FYB1: variants seen among roughly 807,000 people sequenced by gnomAD.
FYB1 encodes FYN-binding protein 1.
A neutral mutation model predicts 94.1 loss-of-function variants in FYB1; 41 were observed. The ratio of observed to expected loss-of-function variants is 0.44; its 90% CI spans 0.34 to 0.57. The LOEUF (loss-of-function observed/expected upper bound fraction) is 0.57, where lower values mean the gene tolerates loss of function less well. FYB1 is among the 20% of genes least tolerant of loss of function. FYB1 has a pLI of 0.02. For missense variants in FYB1, 1,050 were observed against 976.8 expected, an observed-to-expected ratio of 1.07 and a Z score of -1.00; for synonymous variants, 367 against 353.2, an observed-to-expected ratio of 1.04 and a Z score of -0.44.
intron 2 of FYB1, among the ~76,000 whole-genome samples, chr5:39,173,353 A>T (rs551536410): frequency 6.6e-6 from 1 of 152,258 alleles, no homozygotes; most frequent in African/African-American, 2.4e-5. Flanking sequence ...CCTTTGTCAG[A>T]TGCATAGTTT....
At chr5:39,137,762 G>A (rs1253095668) in intron 6 of FYB1, 42 bp from the exon 7 acceptor site, 1 of 1,548,744 alleles carries the variant, frequency 6.5e-7, no homozygotes, top group Admixed American at 2.0e-5. Context: ...ATCTGCAGGT[G>A]TTGATGCGTC....
At chr5:39,199,209 T>C (rs7728729) in intron 2 of FYB1, among the ~76,000 whole-genome samples, 2,107 of 152,154 alleles carry the variant, frequency 0.014, 48 homozygotes, top group African/African-American at 0.048. Context: ...ACAACAGAAA[T>C]TTAATTCTTT....
intron 9 of FYB1, among the ~76,000 whole-genome samples, chr5:39,133,684 G>A (rs1741405088): frequency 6.6e-6 from 1 of 152,068 alleles, no homozygotes; most frequent in Non-Finnish European, 1.5e-5. Flanking sequence ...TTTTAATCTA[G>A]TGGAATGGGC....
chr5:39,206,052 G>A (rs1748826963), intron 1 of FYB1, among the ~76,000 whole-genome samples: 1 of 152,140 alleles, frequency 6.6e-6, no homozygotes, highest in Non-Finnish European at 1.5e-5. Flanking sequence ...AATCATTAAT[G>A]TTATGTCCGA....
At chr5:39,206,237 G>A (rs1414210266) in intron 1 of FYB1, among the ~76,000 whole-genome samples, 3 of 152,178 alleles carry the variant, frequency 2.0e-5, no homozygotes, top group Non-Finnish European at 2.9e-5. Context: ...CCACTAATAT[G>A]TCTGGCAAAT....
At chr5:39,230,548 A>G (rs1393647174) in intron 1 of FYB1, among the ~76,000 whole-genome samples, 1 of 151,736 alleles carries the variant, frequency 6.6e-6, no homozygotes, top group Non-Finnish European at 1.5e-5. Flanking sequence ...TATATGTATA[A>G]TATGTGTATA....
In FYB1 at chr5:39,108,248, T is replaced by A. The variant is rs774841517; in HGVS notation, c.2450A>T (p.Tyr817Phe). The A allele has an allele frequency of 6.5e-7, 1 of 1,528,498 alleles. No homozygotes were observed. Among genetic ancestry groups the A allele is most frequent in the South Asian group, 1.2e-5 (1 of 82,974 alleles). 94.7% of individuals were successfully genotyped at this position (1,528,498 alleles called of 1,614,324 possible). The change falls in exon 18 of 19, where the codon TAT becomes TTT. Residue 817 changes from tyrosine (Y) to phenylalanine (F), a missense_variant. Tyr to Phe is a conservative substitution (Grantham distance 22). Transcript: ENST00000512982. ...SYLADNDGEIYDDIADGCIYD... is the reference protein window; with the variant it reads ...SYLADNDGEIFDDIADGCIYD... Reference sequence around the variant, plus strand: ...AGACTTACCATCAGCAATATCATCATAGATCTCTCCATCACTGTAAATGTA... The same window carrying A: ...AGACTTACCATCAGCAATATCATCAAAGATCTCTCCATCACTGTAAATGTA...
intron 1 of FYB1, chr5:39,270,769 G>A: frequency 2.2e-6 from 1 of 455,436 alleles, no homozygotes; most frequent in Non-Finnish European, 3.9e-6. Flanking sequence ...TAGCTGGCCA[G>A]GTTTATCTTG....
intron 2 of FYB1, among the ~76,000 whole-genome samples, chr5:39,189,569 C>G (rs1218939824): frequency 6.6e-6 from 1 of 152,056 alleles, no homozygotes; most frequent in Non-Finnish European, 1.5e-5. Flanking sequence ...GATAGCTGAA[C>G]TATTCTGAGT....
At chr5:39,123,851 A>G (rs959155932) in intron 13 of FYB1, among the ~76,000 whole-genome samples, 2 of 152,190 alleles carry the variant, frequency 1.3e-5, no homozygotes, top group African/African-American at 4.8e-5. Context: ...TAAACTATCC[A>G]TTTAAATATT....
chr5:39,231,095 A>C (rs187457051), intron 1 of FYB1, among the ~76,000 whole-genome samples: 1 of 145,326 alleles, frequency 6.9e-6, no homozygotes, highest in Non-Finnish European at 1.5e-5. Flanking sequence ...ATCAAGACAT[A>C]TTTATTCCAG....
chr5:39,217,812 A>G (rs1288966210), intron 1 of FYB1, among the ~76,000 whole-genome samples: 1 of 152,170 alleles, frequency 6.6e-6, no homozygotes, highest in Non-Finnish European at 1.5e-5. Context: ...GCCTCTAGTA[A>G]CACCTCAGAC....
intron 1 of FYB1, among the ~76,000 whole-genome samples, chr5:39,256,522 C>T (rs775832563): frequency 6.6e-6 from 1 of 152,184 alleles, no homozygotes; most frequent in Non-Finnish European, 1.5e-5. Context: ...CCCTGCTTAT[C>T]AAATTAGCTC....
intron 2 of FYB1, among the ~76,000 whole-genome samples, chr5:39,183,633 C>T (rs1746471206): frequency 6.6e-6 from 1 of 152,154 alleles, no homozygotes; most frequent in Admixed American, 6.6e-5. Context: ...TTCTTCCATT[C>T]CTACTCTCTA....
At chr5:39,269,778 C>A (rs751328930) in intron 1 of FYB1, 1 of 152,200 alleles carries the variant, frequency 6.6e-6, no homozygotes, top group Non-Finnish European at 1.5e-5. Flanking sequence ...GTATCCTCTC[C>A]GTAATAAGAG....
intron 2 of FYB1, among the ~76,000 whole-genome samples, chr5:39,185,514 A>T (rs1159002132): frequency 7.9e-6 from 1 of 126,390 alleles, no homozygotes; most frequent in Non-Finnish European, 1.6e-5. Flanking sequence ...AAGATAACTG[A>T]CTAAAAAAAA....
chr5:39,261,030 A>G (rs1371236460), intron 1 of FYB1, among the ~76,000 whole-genome samples: 2 of 152,152 alleles, frequency 1.3e-5, no homozygotes, highest in Non-Finnish European at 2.9e-5. Flanking sequence ...TAATAATAGT[A>G]GAAATATTGA....
intron 2 of FYB1, among the ~76,000 whole-genome samples, chr5:39,188,796 G>C (rs938607267): frequency 6.6e-6 from 1 of 152,054 alleles, no homozygotes; most frequent in Non-Finnish European, 1.5e-5. Flanking sequence ...GCCTCCCAAA[G>C]TGTTGGGACT....
Position 39,127,750 on chromosome 5 carries a change from G to A in FYB1, c.1898C>T (p.Ala633Val). ...CACTGATTATTCTTACCCATCATCAGCATCTTCCTCTTCAATCCCATCATA... is the reference window on the plus strand; with the variant it reads ...CACTGATTATTCTTACCCATCATCAACATCTTCCTCTTCAATCCCATCATA... ...DIYDGIEEED[A>V]DDGSTLQVQE... Residue 633 changes from alanine to valine, a missense_variant, in exon 11 of 19, where the codon GCT (alanine) becomes GTT (valine). Ala to Val is a moderately conservative substitution (Grantham distance 64). Transcript: ENST00000512982. The A allele has an allele frequency of 6.2e-7, 1 of 1,601,658 alleles. No individual in the cohort carries two copies. The highest frequency in any genetic ancestry group is 8.5e-7 in the Non-Finnish European group (1 of 1,174,038).
Sources: allele counts gnomAD v4.1 joint callset (sites outside exome capture counted in the v4.1 genomes callset), GRCh38; gene constraint gnomAD v4.1.1; transcripts MANE v1.5; gene names NCBI Gene and HGNC (gene_info 2026-07-23, HGNC 2026-07-21).